Variants in UNC5C observed in about 807,000 individuals in gnomAD.
The protein encoded by UNC5C is netrin receptor UNC5C.
Under a neutral mutation model 99.8 loss-of-function variants are expected in UNC5C, and 47 were observed. That is an observed-to-expected ratio of 0.47 (90% CI 0.37 to 0.60). The LOEUF is 0.60. Ranked by LOEUF, UNC5C falls within the 20% of genes least tolerant of loss-of-function variation. The probability of loss-of-function intolerance (pLI) is 0.00; values close to 1 mark genes in which losing one functional copy is unlikely to be tolerated. For synonymous variants in UNC5C, 487 were observed against 452.2 expected (o/e 1.08, Z -0.98); for missense variants, 1,062 against 1,165.9 (o/e 0.91, Z 1.30).
chr4:95,249,673 G>A lies in UNC5C; in HGVS notation c.775+814C>T, dbSNP rs370197179. Among the ~76,000 whole-genome samples, 5 of 152,200 alleles carry A rather than the reference G, an allele frequency of 3.3e-5. No homozygotes were observed. In the East Asian group the frequency reaches 9.6e-4, roughly 29 times the overall value. On this transcript the variant is annotated intron_variant, in intron 5 of 15. Coordinates refer to ENST00000453304, the MANE Select transcript of UNC5C (RefSeq NM_003728.4). ...AAAAGCATATGTGCCACATCAGAAT[G>A]GGGTATGAAATTGCTTAGTACTTCC...
chr4:95,218,900 A>G (rs1449597722), intron 9 of UNC5C, 69 bp downstream of exon 9: 1 of 1,468,010 alleles, frequency 6.8e-7, no homozygotes, highest in Non-Finnish European at 9.1e-7. Flanking sequence ...TCCCACGAAC[A>G]AAAAAGATTT....
intron 1 of UNC5C, among the ~76,000 whole-genome samples, chr4:95,407,844 T>A (rs1158912220): frequency 6.6e-6 from 1 of 152,104 alleles, no homozygotes; most frequent in Non-Finnish European, 1.5e-5. Context: ...AAAGGGCTCA[T>A]AACAGGGTGA....
intron 1 of UNC5C, among the ~76,000 whole-genome samples, chr4:95,441,192 C>A (rs981169197): frequency 2.0e-5 from 3 of 152,120 alleles, no homozygotes; most frequent in African/African-American, 7.2e-5. Flanking sequence ...TATACAAGGA[C>A]AATTTCAATG....
At chr4:95,339,324 T>G (rs1231491226) in intron 1 of UNC5C, among the ~76,000 whole-genome samples, 2 of 152,022 alleles carry the variant, frequency 1.3e-5, no homozygotes, top group African/African-American at 4.8e-5. Context: ...CCTGCCATGC[T>G]AAAATTTTTA....
intron 1 of UNC5C, among the ~76,000 whole-genome samples, chr4:95,431,937 C>A (rs1178507274): frequency 6.6e-6 from 1 of 152,086 alleles, no homozygotes; most frequent in Non-Finnish European, 1.5e-5. Flanking sequence ...TTGCTTCCCT[C>A]ATTTGTCACT....
chr4:95,288,246 C>G (rs1309081514), intron 3 of UNC5C, among the ~76,000 whole-genome samples: 4 of 152,014 alleles, frequency 2.6e-5, no homozygotes, highest in Non-Finnish European at 5.9e-5. Context: ...CCATGCCTGG[C>G]TAATTTTTTT....
chr4:95,245,614 T>G (rs1222662995), intron 5 of UNC5C, among the ~76,000 whole-genome samples: 2 of 152,246 alleles, frequency 1.3e-5, no homozygotes, highest in Non-Finnish European at 2.9e-5. Context: ...GTTTTAAGGA[T>G]TTTTATTCAC....
intron 10 of UNC5C, among the ~76,000 whole-genome samples, chr4:95,207,175 G>C (rs1005007079): frequency 2.0e-5 from 3 of 152,068 alleles, no homozygotes; most frequent in Non-Finnish European, 4.4e-5. Context: ...CTTGCCACTG[G>C]TCTCACAGGG....
chr4:95,524,241 C>T (rs530321024), intron 1 of UNC5C, among the ~76,000 whole-genome samples: 9 of 152,270 alleles, frequency 5.9e-5, no homozygotes, highest in African/African-American at 2.2e-4. Context: ...CCTAACCCTG[C>T]ATTTAGCTAA....
At chr4:95,249,274 A>G (rs1203780522) in intron 5 of UNC5C, among the ~76,000 whole-genome samples, 1 of 152,196 alleles carries the variant, frequency 6.6e-6, no homozygotes, top group Non-Finnish European at 1.5e-5. Flanking sequence ...TAAGTGACAC[A>G]TGACTGACTG....
chr4:95,264,153 C>G (rs1205583133), intron 4 of UNC5C, among the ~76,000 whole-genome samples: 1 of 152,094 alleles, frequency 6.6e-6, no homozygotes, highest in Non-Finnish European at 1.5e-5. Context: ...CTGTAAGGAA[C>G]AATCTTCACA....
chr4:95,194,275 C>T (rs1242376608), intron 12 of UNC5C, among the ~76,000 whole-genome samples: 1 of 152,168 alleles, frequency 6.6e-6, no homozygotes, highest in African/African-American at 2.4e-5. Context: ...GTAGGTTTTT[C>T]TAGGACTTTT....
chr4:95,454,110 C>G (rs188801348), intron 1 of UNC5C, among the ~76,000 whole-genome samples: 6 of 151,898 alleles, frequency 4.0e-5, no homozygotes, highest in Admixed American at 3.9e-4. Flanking sequence ...TGTGAGTGCA[C>G]AAAAAAACCA....
chr4:95,270,481 T>C (rs979016426), intron 4 of UNC5C, among the ~76,000 whole-genome samples: 2 of 152,232 alleles, frequency 1.3e-5, no homozygotes, highest in African/African-American at 4.8e-5. Flanking sequence ...TTTGCTCAGT[T>C]GTTGTTACTT....
intron 1 of UNC5C, among the ~76,000 whole-genome samples, chr4:95,482,466 C>A (rs1301270041): frequency 6.7e-6 from 1 of 149,120 alleles, no homozygotes; most frequent in Non-Finnish European, 1.5e-5. Context: ...CCTCAGGGAT[C>A]TAGAACTAGA....
chr4:95,463,350 C>G (rs1476146337), intron 1 of UNC5C, among the ~76,000 whole-genome samples: 1 of 152,132 alleles, frequency 6.6e-6, no homozygotes, highest in Non-Finnish European at 1.5e-5. Context: ...GCAGTCTCAG[C>G]TTAGGAAGAT....
intron 14 of UNC5C, among the ~76,000 whole-genome samples, chr4:95,177,721 G>A (rs1378336321): frequency 6.6e-6 from 1 of 152,046 alleles, no homozygotes; most frequent in Non-Finnish European, 1.5e-5. Context: ...GGTAGGAGGG[G>A]CATTTGACAC....
intron 1 of UNC5C, among the ~76,000 whole-genome samples, chr4:95,382,723 A>G (rs1289224553): frequency 6.6e-6 from 1 of 152,092 alleles, no homozygotes; most frequent in Non-Finnish European, 1.5e-5. Flanking sequence ...CAATGGGATA[A>G]ATAGCCTTGC....
At chr4:95,396,220 T>C (rs1350995467) in intron 1 of UNC5C, among the ~76,000 whole-genome samples, 3 of 152,140 alleles carry the variant, frequency 2.0e-5, no homozygotes, top group African/African-American at 7.2e-5. Context: ...TCAGAACACA[T>C]GAATTCAGGA....
Sources: gnomAD v4.1 joint callset for allele counts (sites outside exome capture counted in the v4.1 genomes callset) on GRCh38, gnomAD v4.1.1 for gene constraint, MANE v1.5 for transcripts, NCBI Gene and HGNC (gene_info 2026-07-23, HGNC 2026-07-21) for gene names.